The following NEB variants were observed in gnomAD, a reference collection of about 807,000 sequenced individuals.
NEB encodes the protein nebulin.
NEB carries 512 observed loss-of-function variants against 952.2 expected under a neutral mutation model. The ratio of observed to expected loss-of-function variants is 0.54; its 90% confidence interval spans 0.50 to 0.58. The LOEUF (loss-of-function observed/expected upper bound fraction) is 0.58. NEB is among the 20% of genes least tolerant of loss of function. The pLI is 0.00. For synonymous variants in NEB, 2,900 were observed against 3,149.8 expected (o/e 0.92, Z 2.66); for missense variants, 8,428 against 9,231.1 (o/e 0.91, Z 3.56).
intron 60 of NEB, among the ~76,000 whole-genome samples, chr2:151,641,286 T>C (rs917233601): frequency 7.9e-5 from 12 of 152,260 alleles, no homozygotes; most frequent in African/African-American, 2.9e-4. Context: ...TAAGCATTTC[T>C]ATGTGTCATT....
intron 165 of NEB, 134 bp downstream of exon 165, chr2:151,505,344 A>G (rs960452719): frequency 1.2e-5 from 9 of 769,132 alleles, no homozygotes; most frequent in Non-Finnish European, 1.7e-5. Context: ...TGACCCCATC[A>G]AGACTAAGGG....
At chr2:151,529,484 C>T (rs1171648584) in intron 145 of NEB, among the ~76,000 whole-genome samples, 170 bp from the exon 146 acceptor site, 1 of 152,102 alleles carries the variant, frequency 6.6e-6, no homozygotes, top group African/African-American at 2.4e-5. Flanking sequence ...GATGCACCTT[C>T]CTATCTCAGA....
At position 151,684,830 on chromosome 2, in the gene NEB, G is replaced by T; in HGVS notation, c.2783C>A (p.Pro928His). Residue 928 changes from proline to histidine, a missense_variant, in exon 28 of 182, where the codon CCT becomes CAT. Pro to His is a moderately conservative substitution (Grantham distance 77, BLOSUM62 -2). This residue lies in a region of NEB where 2,851 missense variants were observed against 2,791.5 expected (regional missense o/e 1.02). Coordinates refer to ENST00000397345, the MANE Select transcript of NEB (RefSeq NM_001164508.2). ...KHILHSYSYP[P>H]DSINVDLAKK... The stretch of plus-strand genomic sequence containing the variant: ...GGCAAGGTCCACATTGATGCTATCA[G>T]GGGGGTAGCTGTAACTGTGTAAGAT... 1 of 1,613,098 alleles carries T rather than the reference G, an allele frequency of 6.2e-7. No individual in the cohort carries two copies. The highest frequency in any genetic ancestry group is 1.3e-5 in the African/African-American group (1 of 75,030).
At chr2:151,531,673 C>A (rs2091118796) in intron 144 of NEB, 119 bp downstream of exon 144, 1 of 768,296 alleles carries the variant, frequency 1.3e-6, no homozygotes, top group Non-Finnish European at 2.3e-6. Flanking sequence ...TCTCGCACCC[C>A]TGCCTCCCTC....
Position 151,567,360 on chromosome 2 carries a change from T to A in NEB, c.17964A>T (p.Leu5988=). Residue 5988 remains leucine, a synonymous_variant, in exon 114 of 182, where the codon CTA becomes CTT. Coordinates refer to ENST00000397345, the MANE Select transcript of NEB (RefSeq NM_001164508.2). ...TTGTTTTGTGATAGTCCTCTTTGTA[T>A]AGTCTCTCATTCTGAATCTGGCCTG... ...EHAGQIQNER[L]YKEDYHKTKA... is the part of the protein sequence containing the mutation. The A allele has an allele frequency of 6.2e-7, 1 of 1,613,896 alleles. No individual in the cohort carries two copies.
At chr2:151,655,005 T>C (rs1226395435) in intron 51 of NEB, among the ~76,000 whole-genome samples, 1 of 152,034 alleles carries the variant, frequency 6.6e-6, no homozygotes, top group African/African-American at 2.4e-5. Context: ...CAATTTTTTT[T>C]CAACAATTTT....
At chr2:151,659,600 C>A (rs2099124408) in intron 46 of NEB, among the ~76,000 whole-genome samples, 1 of 151,948 alleles carries the variant, frequency 6.6e-6, no homozygotes. Flanking sequence ...TGCACCTGGC[C>A]CAAAAAAATT....
At chr2:151,496,515 A>G (rs2060279254) in intron 172 of NEB, 147 bp from the exon 173 acceptor site, 1 of 1,439,712 alleles carries the variant, frequency 6.9e-7, no homozygotes, top group Non-Finnish European at 9.3e-7. Flanking sequence ...GCCACCAGCT[A>G]CTTTAGTGGA....
At chr2:151,689,078 C>T (rs2099525268) in intron 24 of NEB, 1 of 151,884 alleles carries the variant, frequency 6.6e-6, no homozygotes, top group Non-Finnish European at 1.5e-5. Context: ...CACAGGAACA[C>T]ATTTCCAGTC....
rs1357043411 is a variant in NEB, at chr2:151,526,019, G to C, written c.22100C>G (p.Thr7367Arg). ...VKKHLAQGSYTTLPETRDTVH... is the reference protein window; with the variant it reads ...VKKHLAQGSYRTLPETRDTVH... ...AGTGTCCCGGGTCTCTGGTAGTGTT[G>C]TGTATGAGCCCTGTGCCAAGTGCTT... Residue 7367 changes from threonine to arginine, a missense_variant, in exon 150 of 182, where the codon ACA becomes AGA. By Grantham distance (71) the Thr-to-Arg change is moderately conservative. Transcript: ENST00000397345. 6.2e-7 allele frequency: 1 copy of C among 1,613,876 alleles called. No individual in the cohort carries two copies. The highest frequency in any genetic ancestry group is 8.5e-7 in the Non-Finnish European group (1 of 1,179,884).
intron 153 of NEB, among the ~76,000 whole-genome samples, chr2:151,520,426 A>T (rs1428007300): frequency 6.6e-6 from 1 of 152,216 alleles, no homozygotes; most frequent in African/African-American, 2.4e-5. Context: ...CTTTTAGTAT[A>T]CATAAAAATA....
chr2:151,535,736 A>C lies in NEB; in HGVS notation c.21267T>G (p.Ser7089=). The change falls in exon 142 of 182, where the codon TCT becomes TCG. Residue 7089 remains serine, a synonymous_variant. Transcript: ENST00000397345. ...TKSDFKYVAD[S]PINRHFKYAT... is the part of the protein sequence containing the mutation. ...CATACTTGAAATGCCTATTGATCGG[A>C]GAGTCGGCAACATACTTGAAATCTG... The C allele has an allele frequency of 6.2e-7, 1 of 1,609,780 alleles. No homozygotes were observed. The highest frequency in any genetic ancestry group is 8.5e-7 in the Non-Finnish European group (1 of 1,177,728).
rs117383372 is a variant in NEB, at chr2:151,642,111, A to C, written c.8373+463T>G. Among the ~76,000 whole-genome samples, 301 of 152,334 alleles carry C rather than the reference A, an allele frequency of 2.0e-3. 9 individuals carry two copies. In the East Asian group the frequency reaches 0.042, roughly 21 times the overall value. On this transcript the variant is annotated intron_variant, in intron 60 of 181. Coordinates refer to ENST00000397345, the MANE Select transcript of NEB (RefSeq NM_001164508.2). ...AGTGAGCAAATCCATCTTTTAAAGA[A>C]AGCAAATATTTGTAACCCACCACCT...
At chr2:151,571,609 G>A (rs748318479) in intron 107 of NEB, among the ~76,000 whole-genome samples, 1 of 151,790 alleles carries the variant, frequency 6.6e-6, no homozygotes. Flanking sequence ...TAGATCTTCC[G>A]CTGAAGCATG....
chr2:151,576,164 T>A lies in NEB; in HGVS notation c.16895A>T (p.Glu5632Val). Reference sequence around the variant, plus strand: ...AAACTAACTCACAATACTAATATTTTCAGCATTTGATTTAGCAAGGACCAC... The same window carrying A: ...AAACTAACTCACAATACTAATATTTACAGCATTTGATTTAGCAAGGACCAC... Reference protein sequence around the residue: ...PEVVLAKSNAENISIPKYREV... With the variant: ...PEVVLAKSNAVNISIPKYREV... Residue 5632 changes from glutamate (E) to valine (V), a missense_variant, in exon 106 of 182, where the codon GAA (glutamate) becomes GTA (valine). Glu to Val is a moderately radical substitution (Grantham distance 121, BLOSUM62 -2). This residue lies in a region of NEB where 3,374 missense variants were observed against 3,651.5 expected (regional missense o/e 0.92). Transcript: ENST00000397345. 6.3e-7 allele frequency: 1 copy of A among 1,597,504 alleles called. No homozygotes were observed. Among genetic ancestry groups the A allele is most frequent in the East Asian group, 2.2e-5 (1 of 44,666 alleles).
chr2:151,497,640 C>CTTGA lies in NEB; in HGVS notation c.24282_24285dup (p.Glu8096SerfsTer5). The CTTGA allele has an allele frequency of 1.3e-6, 2 of 1,576,742 alleles. No individual in the cohort carries two copies. Among genetic ancestry groups the CTTGA allele is most frequent in the Non-Finnish European group, 1.7e-6 (2 of 1,158,744 alleles). On this transcript the variant is annotated frameshift_variant, in exon 171 of 182. Coordinates refer to ENST00000397345, the MANE Select transcript of NEB (RefSeq NM_001164508.2). LOFTEE classifies it high-confidence loss of function. ...TGCCAAAGTACCGAGCTAATATTTTCTTGATTGTGTTTGACTCTTTCCATC... is the reference window on the plus strand; with the variant it reads ...TGCCAAAGTACCGAGCTAATATTTTCTTGATTGATTGTGTTTGACTCTTTCCATC...
Position 151,697,475 on chromosome 2 carries a change from CTTCAT to C in NEB, c.1258-23_1258-19del. The C allele has an allele frequency of 6.2e-7, 1 of 1,606,344 alleles. No homozygotes were observed. The highest frequency in any genetic ancestry group is 8.5e-7 in the Non-Finnish European group (1 of 1,174,422). On this transcript the variant is annotated intron_variant, in intron 14 of 181. Transcript: ENST00000397345. Reference sequence around the variant, plus strand: ...TATTTTTTCTGCAAGACAAAACATACTTCATTTATTAATTGGTGAAATAATGGGTT... The same window carrying C: ...TATTTTTTCTGCAAGACAAAACATACTTATTAATTGGTGAAATAATGGGTT...
At chr2:151,512,629 G>T in intron 161 of NEB, 104 bp downstream of exon 161, 2 of 889,712 alleles carry the variant, frequency 2.2e-6, no homozygotes, top group South Asian at 1.5e-5. Flanking sequence ...CTTTTTTATT[G>T]GGAAAAACTG....
intron 34 of NEB, 76 bp downstream of exon 34, chr2:151,677,489 A>T: frequency 1.8e-6 from 2 of 1,125,630 alleles, no homozygotes; most frequent in South Asian, 5.4e-5. Flanking sequence ...CCAGAAAAAA[A>T]ATATATTGGG....
Sources: gnomAD v4.1 joint callset for allele counts (sites outside exome capture counted in the v4.1 genomes callset) on GRCh38, gnomAD v4.1.1 for gene constraint, gnomAD v4.1.1 regional missense constraint, MANE v1.5 for transcripts, NCBI Gene and HGNC (gene_info 2026-07-23, HGNC 2026-07-21) for gene names.